CAPZA1: variants seen among roughly 807,000 people sequenced by gnomAD.
CAPZA1 encodes F-actin-capping protein subunit alpha-1.
CAPZA1 carries 10 observed loss-of-function variants against 40.8 expected under a neutral mutation model. The ratio of observed to expected loss-of-function variants is 0.25; its 90% CI spans 0.15 to 0.42. The LOEUF (loss-of-function observed/expected upper bound fraction) is 0.42, where lower values mean the gene tolerates loss of function less well. Among genes scored for constraint, CAPZA1 ranks in the 10% least tolerant of loss-of-function variants. The probability of loss-of-function intolerance (pLI) is 1.00; values close to 1 mark genes in which losing one functional copy is unlikely to be tolerated. For missense variants in CAPZA1, 277 were observed against 353.8 expected (o/e 0.78, Z 1.74); for synonymous variants, 98 against 115.0 (o/e 0.85, Z 0.95).
chr1:112,667,178 C>A (rs200774336), intron 8 of CAPZA1, 33 bp downstream of exon 8: 3 of 1,443,562 alleles, frequency 2.1e-6, no homozygotes, highest in Non-Finnish European at 2.9e-6. Context: ...CTGTCTTACT[C>A]ATGTCTCGTT....
At chr1:112,647,135 T>TGAGAA in intron 1 of CAPZA1, 75 bp from the exon 2 acceptor site, 1 of 700,484 alleles carries the variant, frequency 1.4e-6, no homozygotes, top group Non-Finnish European at 2.3e-6. Context: ...TGAAAATTTA[T>TGAGAA]AATTTGTTAA....
Position 112,670,542 on chromosome 1 carries a change from TC to T in CAPZA1, c.*411del, listed in dbSNP as rs1368814543. 3 of 158,836 alleles carry T rather than the reference TC, an allele frequency of 1.9e-5. No individual in the cohort carries two copies. Among genetic ancestry groups the T allele is most frequent in the African/African-American group, 4.8e-5 (2 of 41,510 alleles). 9.8% of individuals were successfully genotyped at this position (158,836 alleles called of 1,614,324 possible). On this transcript the variant is annotated 3_prime_UTR_variant, in exon 10 of 10. Coordinates refer to ENST00000263168, the MANE Select transcript of CAPZA1 (RefSeq NM_006135.3). ...TATCCTTCCAAGCACTTCTGGTACTTCAGTCGTTTTTACTGATCCACCAACA... is the reference window on the plus strand; with the variant it reads ...TATCCTTCCAAGCACTTCTGGTACTTAGTCGTTTTTACTGATCCACCAACA...
intron 1 of CAPZA1, among the ~76,000 whole-genome samples, chr1:112,626,691 T>A (rs765139789): frequency 1.3e-5 from 2 of 152,228 alleles, no homozygotes; most frequent in African/African-American, 4.8e-5. Flanking sequence ...TTTAATTATC[T>A]CTCTGCCTCA....
chr1:112,658,869 G>A (rs879228515), intron 5 of CAPZA1, among the ~76,000 whole-genome samples, 153 bp from the exon 6 acceptor site: 2 of 152,084 alleles, frequency 1.3e-5, no homozygotes, highest in South Asian at 4.1e-4. Flanking sequence ...GTTCTGCTTT[G>A]TTTTCATATC....
intron 1 of CAPZA1, 40 bp from the exon 2 acceptor site, chr1:112,647,170 C>G: frequency 1.0e-6 from 1 of 990,032 alleles, no homozygotes; most frequent in Non-Finnish European, 1.5e-6. Flanking sequence ...ATATGTTACT[C>G]TTCATAATTC....
intron 1 of CAPZA1, among the ~76,000 whole-genome samples, chr1:112,623,253 G>A (rs1278445535): frequency 1.3e-5 from 2 of 152,126 alleles, no homozygotes; most frequent in Non-Finnish European, 2.9e-5. Context: ...TACCATTGTA[G>A]GATAAAGCAA....
chr1:112,642,035 A>G (rs1192710026), intron 1 of CAPZA1, among the ~76,000 whole-genome samples: 1 of 151,926 alleles, frequency 6.6e-6, no homozygotes, highest in Non-Finnish European at 1.5e-5. Flanking sequence ...GACAAGTCAC[A>G]TTGTTTTACA....
intron 1 of CAPZA1, among the ~76,000 whole-genome samples, chr1:112,631,321 TA>T (rs1247323999): frequency 1.4e-4 from 22 of 152,222 alleles, no homozygotes; most frequent in Middle Eastern, 3.2e-3. Context: ...CAGTGATGTC[TA>T]GGTATTTGCT....
intron 1 of CAPZA1, among the ~76,000 whole-genome samples, chr1:112,630,031 A>G (rs1369136872): frequency 6.6e-6 from 1 of 152,020 alleles, no homozygotes; most frequent in African/African-American, 2.4e-5. Context: ...TTAGAATTAT[A>G]GTTGTTTTTA....
chr1:112,631,457 T>C (rs1163922077), intron 1 of CAPZA1, among the ~76,000 whole-genome samples: 3 of 152,136 alleles, frequency 2.0e-5, no homozygotes, highest in Non-Finnish European at 1.5e-5. Flanking sequence ...ACCCAAGCAA[T>C]TTAGCAGTAA....
At chr1:112,637,324 T>TTAG (rs1671040618) in intron 1 of CAPZA1, among the ~76,000 whole-genome samples, 1 of 152,254 alleles carries the variant, frequency 6.6e-6, no homozygotes, top group South Asian at 2.1e-4. Context: ...TCCTAGCATG[T>TTAG]TCTAGGTCTC....
rs572632398 is a variant in CAPZA1, at chr1:112,630,256, C to CA, written c.39+10376dup. 2.4e-3 allele frequency among the ~76,000 whole-genome samples: 364 copies of CA among 152,240 alleles called. 1 individual carries two copies. The highest frequency in any genetic ancestry group is 4.5e-3 in the Admixed American group (69 of 15,296). ...CTCACTATATTGCCCAGACTGGTCT[C>CA]AAACTCCTGGGATTACAGGCATGAG... On this transcript the variant is annotated intron_variant, in intron 1 of 9. Coordinates refer to ENST00000263168, the MANE Select transcript of CAPZA1 (RefSeq NM_006135.3).
intron 1 of CAPZA1, among the ~76,000 whole-genome samples, chr1:112,630,040 TA>T (rs1305313647): frequency 1.3e-5 from 2 of 152,146 alleles, no homozygotes; most frequent in Admixed American, 6.5e-5. Context: ...TAGTTGTTTT[TA>T]ATTTTTTTAT....
chr1:112,656,440 A>AATTT (rs1210735883), intron 5 of CAPZA1, among the ~76,000 whole-genome samples: 3 of 45,754 alleles, frequency 6.6e-5, no homozygotes, highest in Admixed American at 3.8e-4. Flanking sequence ...ATTATGTTTG[A>AATTT]TTTTTTTTTT....
chr1:112,668,696 G>A (rs1671771998), intron 8 of CAPZA1, among the ~76,000 whole-genome samples: 1 of 152,052 alleles, frequency 6.6e-6, no homozygotes, highest in Non-Finnish European at 1.5e-5. Flanking sequence ...ATGTTGACCA[G>A]GCTTGTCTTG....
chr1:112,645,867 C>T (rs767957656), intron 1 of CAPZA1, among the ~76,000 whole-genome samples: 22 of 151,286 alleles, frequency 1.5e-4, no homozygotes, highest in African/African-American at 3.6e-4. Context: ...GAGGCTGATG[C>T]GGAAAGATTC....
intron 1 of CAPZA1, among the ~76,000 whole-genome samples, chr1:112,640,315 G>T (rs1671123299): frequency 1.7e-5 from 2 of 116,022 alleles, no homozygotes; most frequent in Admixed American, 8.4e-5. Flanking sequence ...GGAGGGAGGT[G>T]GGGGGGTCAG....
At chr1:112,667,257 GT>G in intron 8 of CAPZA1, 112 bp downstream of exon 8, 1 of 772,058 alleles carries the variant, frequency 1.3e-6, no homozygotes, top group South Asian at 1.8e-5. Flanking sequence ...TGCTTTTAAT[GT>G]TTTGATTTTG....
chr1:112,631,558 C>T (rs1670916450), intron 1 of CAPZA1, among the ~76,000 whole-genome samples: 1 of 152,116 alleles, frequency 6.6e-6, no homozygotes, highest in Non-Finnish European at 1.5e-5. Flanking sequence ...AATGCCGTAA[C>T]ATGCCAGATA....
Sources: allele counts gnomAD v4.1 joint callset (sites outside exome capture counted in the v4.1 genomes callset), GRCh38; gene constraint gnomAD v4.1.1; transcripts MANE v1.5; gene names NCBI Gene and HGNC (gene_info 2026-07-23, HGNC 2026-07-21).